Variants in BTBD9 observed in about 807,000 individuals in gnomAD.
BTBD9 encodes BTB/POZ domain-containing protein 9.
BTBD9 carries 49 observed loss-of-function variants against 64.3 expected under a neutral mutation model. That is an observed-to-expected ratio of 0.76 (90% CI 0.61 to 0.97). BTBD9 has a LOEUF of 0.97. BTBD9 is among the 50% of genes least tolerant of loss of function. The pLI is 0.00. For missense variants in BTBD9, 598 were observed against 762.1 expected (o/e 0.78, Z 2.53); for synonymous variants, 260 against 274.7 (o/e 0.95, Z 0.53).
chr6:38,374,643 G>T (rs1035330954), intron 6 of BTBD9, among the ~76,000 whole-genome samples: 1 of 151,894 alleles, frequency 6.6e-6, no homozygotes, highest in Non-Finnish European at 1.5e-5. Flanking sequence ...GGGAAAAAAA[G>T]TTCTGCATAC....
chr6:38,528,968 C>T (rs1773648761), intron 6 of BTBD9, among the ~76,000 whole-genome samples: 1 of 152,178 alleles, frequency 6.6e-6, no homozygotes, highest in Non-Finnish European at 1.5e-5. Flanking sequence ...TGGGATAGAG[C>T]ACCAAGTGGG....
intron 6 of BTBD9, among the ~76,000 whole-genome samples, chr6:38,443,890 G>C (rs919200245): frequency 1.3e-5 from 2 of 152,180 alleles, no homozygotes; most frequent in Non-Finnish European, 2.9e-5. Context: ...CCAGGGGTAT[G>C]ATTCTTCAAA....
chr6:38,369,951 G>T (rs568290498), intron 6 of BTBD9, among the ~76,000 whole-genome samples: 17 of 152,242 alleles, frequency 1.1e-4, no homozygotes, highest in African/African-American at 4.1e-4. Flanking sequence ...AGTAATGACA[G>T]AGAGGAGACT....
At chr6:38,374,306 T>TATATATATATATATATATATAC (rs1491240635) in intron 6 of BTBD9, among the ~76,000 whole-genome samples, 23 of 84,564 alleles carry the variant, frequency 2.7e-4, no homozygotes, top group Non-Finnish European at 4.7e-4. Flanking sequence ...TGTATATATA[T>TATATATATATATATATATATAC]GTATATATAT....
chr6:38,584,213 A>T (rs1776411665), intron 4 of BTBD9, among the ~76,000 whole-genome samples: 1 of 152,160 alleles, frequency 6.6e-6, no homozygotes, highest in African/African-American at 2.4e-5. Context: ...CTATAATCCC[A>T]GCTACCTGGG....
intron 6 of BTBD9, among the ~76,000 whole-genome samples, chr6:38,346,467 C>T (rs1582267401): frequency 6.6e-6 from 1 of 152,048 alleles, no homozygotes; most frequent in Non-Finnish European, 1.5e-5. Flanking sequence ...GTCCAGTGTG[C>T]TCACACCTAC....
At chr6:38,596,575 C>T (rs1369257263) in intron 2 of BTBD9, among the ~76,000 whole-genome samples, 3 of 151,356 alleles carry the variant, frequency 2.0e-5, no homozygotes, top group South Asian at 2.1e-4. Flanking sequence ...CTGAGGCGGG[C>T]GGATCACAAG....
rs934108355 is a variant in BTBD9 at position 38,438,507 on chromosome 6, G to A, written c.1155-93414C>T. Among the ~76,000 whole-genome samples, 4 of 152,192 alleles carry A rather than the reference G, an allele frequency of 2.6e-5. No homozygotes were observed. In the East Asian group the frequency reaches 5.8e-4, roughly 22 times the overall value. ...AGTTCAGTGGAGGAAGAAATAAAAAGTACTAATTAAAATATCTCCTGTTTC... is the reference window on the plus strand; with the variant it reads ...AGTTCAGTGGAGGAAGAAATAAAAAATACTAATTAAAATATCTCCTGTTTC... On this transcript the variant is annotated intron_variant, in intron 6 of 10. Transcript: ENST00000481247.
chr6:38,457,821 T>C (rs562791540), intron 6 of BTBD9, among the ~76,000 whole-genome samples: 1 of 152,298 alleles, frequency 6.6e-6, no homozygotes, highest in South Asian at 2.1e-4. Context: ...TCAGTTTACA[T>C]GTCTCTCCCC....
chr6:38,449,160 T>G (rs954065988), intron 6 of BTBD9, among the ~76,000 whole-genome samples: 4 of 152,246 alleles, frequency 2.6e-5, no homozygotes, highest in Admixed American at 6.5e-5. Flanking sequence ...AAAAACCTGG[T>G]TACTGTTTTT....
At chr6:38,350,569 A>G (rs1466560453) in intron 6 of BTBD9, among the ~76,000 whole-genome samples, 1 of 152,242 alleles carries the variant, frequency 6.6e-6, no homozygotes, top group Non-Finnish European at 1.5e-5. Flanking sequence ...CAAGGGATTA[A>G]CTAAAGCTAA....
intron 7 of BTBD9, among the ~76,000 whole-genome samples, chr6:38,331,479 A>C (rs758103703): frequency 1.3e-4 from 20 of 152,210 alleles, no homozygotes; most frequent in Non-Finnish European, 2.5e-4. Flanking sequence ...CTCCCTCTCA[A>C]AAAGAAAAAA....
chr6:38,276,355 G>A (rs1761248862), intron 8 of BTBD9, among the ~76,000 whole-genome samples: 1 of 145,424 alleles, frequency 6.9e-6, no homozygotes, highest in Admixed American at 6.9e-5. Context: ...TTGTGGGGTG[G>A]GGGGAGGGGG....
intron 6 of BTBD9, among the ~76,000 whole-genome samples, chr6:38,572,175 A>G (rs1009176396): frequency 6.6e-6 from 1 of 152,102 alleles, no homozygotes; most frequent in Non-Finnish European, 1.5e-5. Context: ...TGATGTGCTT[A>G]TTATTTGTTT....
At chr6:38,260,389 C>G (rs1582128443) in intron 8 of BTBD9, among the ~76,000 whole-genome samples, 1 of 152,144 alleles carries the variant, frequency 6.6e-6, no homozygotes, top group Non-Finnish European at 1.5e-5. Context: ...TTATCATATT[C>G]CCTATCCTTC....
At chr6:38,463,939 G>A (rs1770220709) in intron 6 of BTBD9, among the ~76,000 whole-genome samples, 1 of 152,200 alleles carries the variant, frequency 6.6e-6, no homozygotes, top group African/African-American at 2.4e-5. Flanking sequence ...GGCTGAGGCA[G>A]AAGGATCATC....
intron 8 of BTBD9, among the ~76,000 whole-genome samples, chr6:38,284,459 C>T (rs994818023): frequency 4.6e-5 from 7 of 152,206 alleles, no homozygotes; most frequent in Non-Finnish European, 8.8e-5. Flanking sequence ...GGCCTTGCCA[C>T]ATGAAGAGCC....
chr6:38,322,283 T>C (rs1473766183), intron 7 of BTBD9, among the ~76,000 whole-genome samples: 2 of 152,164 alleles, frequency 1.3e-5, no homozygotes, highest in African/African-American at 2.4e-5. Flanking sequence ...TTTCCAACTC[T>C]AAACCTCCTG....
At chr6:38,562,804 CT>C (rs1775314721) in intron 6 of BTBD9, among the ~76,000 whole-genome samples, 1 of 152,130 alleles carries the variant, frequency 6.6e-6, no homozygotes. Flanking sequence ...GCTTACATAC[CT>C]ATTTTCTTGG....
Sources: allele counts gnomAD v4.1 joint callset (sites outside exome capture counted in the v4.1 genomes callset), GRCh38; gene constraint gnomAD v4.1.1; transcripts MANE v1.5; gene names NCBI Gene and HGNC (gene_info 2026-07-23, HGNC 2026-07-21).